ACO1: variants seen among roughly 807,000 people sequenced by gnomAD.
The protein encoded by ACO1 is cytoplasmic aconitate hydratase.
In ACO1, 78 loss-of-function variants were observed where a neutral mutation model predicts 105.1. That is an observed-to-expected ratio of 0.74 (90% CI 0.62 to 0.90). The LOEUF is 0.90. ACO1 is among the 40% of genes least tolerant of loss of function. ACO1 has a pLI of 0.00. For synonymous variants in ACO1, 364 were observed against 397.4 expected, an observed-to-expected ratio of 0.92 and a Z score of 1.00; for missense variants, 965 against 1,111.1, an observed-to-expected ratio of 0.87 and a Z score of 1.87.
intron 7 of ACO1, among the ~76,000 whole-genome samples, chr9:32,419,943 C>A (rs1821933187): frequency 6.6e-6 from 1 of 152,202 alleles, no homozygotes; most frequent in Admixed American, 6.5e-5. Flanking sequence ...TTTGCATGGA[C>A]ATGCTATCGT....
chr9:32,429,185 T>C (rs1164642420), intron 12 of ACO1, among the ~76,000 whole-genome samples: 1 of 152,204 alleles, frequency 6.6e-6, no homozygotes, highest in Non-Finnish European at 1.5e-5. Context: ...CTTTTTTAAA[T>C]TGTTGCTCAT....
chr9:32,389,879 A>G (rs781307567), intron 1 of ACO1, among the ~76,000 whole-genome samples: 6 of 148,748 alleles, frequency 4.0e-5, no homozygotes, highest in Admixed American at 2.7e-4. Context: ...GCTCACTCCA[A>G]CCTCCACCTC....
intron 1 of ACO1, among the ~76,000 whole-genome samples, chr9:32,387,513 C>G (rs1337758247): frequency 2.0e-5 from 3 of 152,030 alleles, no homozygotes; most frequent in African/African-American, 7.2e-5. Flanking sequence ...AGCCAAGGTG[C>G]TTTTGGTTTG....
In ACO1 at chr9:32,453,222, CA is replaced by C. The variant is rs2118605199; in HGVS notation, c.*3114del. On this transcript the variant is annotated 3_prime_UTR_variant, in exon 21 of 21. Transcript: ENST00000309951. ...GAGTTAGTTAATATTTTTAATATAG[CA>C]AATAAGGATGAGGGATGCCCTTCAT... is the stretch of plus-strand genomic sequence containing the variant. 6.6e-6 allele frequency: 1 copy of C among 152,134 alleles called. No individual in the cohort carries two copies. Among genetic ancestry groups the C allele is most frequent in the South Asian group, 2.1e-4 (1 of 4,814 alleles). The allele number at this position is 152,134 out of a possible 1,614,324, so 9.4% of individuals were successfully genotyped here. A position where few individuals can be genotyped will look rare whatever the true frequency, so the allele number is the denominator to read the frequency against.
At chr9:32,410,191 A>G (rs1450472374) in intron 4 of ACO1, among the ~76,000 whole-genome samples, 1 of 152,234 alleles carries the variant, frequency 6.6e-6, no homozygotes, top group African/African-American at 2.4e-5. Context: ...GTCTTTTGTA[A>G]GATACACAAA....
chr9:32,412,595 T>C (rs1011951708), intron 4 of ACO1, among the ~76,000 whole-genome samples: 3 of 152,210 alleles, frequency 2.0e-5, no homozygotes, highest in African/African-American at 7.2e-5. Flanking sequence ...GTCCCCTGAA[T>C]TGATGGTACT....
At chr9:32,393,038 C>T (rs566588789) in intron 1 of ACO1, among the ~76,000 whole-genome samples, 1 of 152,094 alleles carries the variant, frequency 6.6e-6, no homozygotes, top group Non-Finnish European at 1.5e-5. Context: ...GTGTTAACTG[C>T]ACAAATTGTT....
At chr9:32,417,400 C>A (rs1014827360) in intron 4 of ACO1, among the ~76,000 whole-genome samples, 1 of 152,166 alleles carries the variant, frequency 6.6e-6, no homozygotes, top group African/African-American at 2.4e-5. Flanking sequence ...TCACTCAATC[C>A]TATGATACAT....
At position 32,425,823 on chromosome 9, in the gene ACO1, T is replaced by G; in HGVS notation, c.1189-15T>G. ...AAATATATTCCTATATAATATACAT[T>G]TTTTCTTCCTTTAGCAAGGATTTAA... On this transcript the variant is annotated splice_polypyrimidine_tract_variant and intron_variant, in intron 10 of 20. Coordinates refer to ENST00000309951, the MANE Select transcript of ACO1 (RefSeq NM_002197.3). The G allele has an allele frequency of 6.3e-7, 1 of 1,581,676 alleles. No individual in the cohort carries two copies. The highest frequency in any genetic ancestry group is 8.7e-7 in the Non-Finnish European group (1 of 1,155,590).
chr9:32,432,356 C>T (rs1040011748), intron 15 of ACO1, among the ~76,000 whole-genome samples: 2 of 152,178 alleles, frequency 1.3e-5, no homozygotes, highest in Non-Finnish European at 1.5e-5. Context: ...TATTCTGAGA[C>T]TCTTGGATAT....
Position 32,389,546 on chromosome 9 carries a change from T to C in ACO1, c.-23+4811T>C, listed in dbSNP as rs189810581. 1.1e-4 allele frequency among the ~76,000 whole-genome samples: 16 copies of C among 152,254 alleles called. No homozygotes were observed. In the East Asian group the frequency reaches 3.1e-3, roughly 29 times the overall value. On this transcript the variant is annotated intron_variant, in intron 1 of 20. Coordinates refer to ENST00000309951, the MANE Select transcript of ACO1 (RefSeq NM_002197.3). ...AACCGAAAAACAGGCACACTTACCATGTAGTCACATTGTGCTGTGTCTGCT... is the reference window on the plus strand; with the variant it reads ...AACCGAAAAACAGGCACACTTACCACGTAGTCACATTGTGCTGTGTCTGCT...
intron 4 of ACO1, among the ~76,000 whole-genome samples, chr9:32,408,968 T>C (rs1483118079): frequency 6.6e-6 from 1 of 152,212 alleles, no homozygotes; most frequent in Admixed American, 6.5e-5. Flanking sequence ...TATATGTCAG[T>C]GCAAGTATAT....
intron 10 of ACO1, among the ~76,000 whole-genome samples, chr9:32,425,188 T>TGCTA (rs1191442762): frequency 6.6e-6 from 1 of 152,232 alleles, no homozygotes; most frequent in African/African-American, 2.4e-5. Context: ...TGATTTCTGT[T>TGCTA]GCTAGACTGT....
At chr9:32,400,782 G>T (rs1821478697) in intron 1 of ACO1, among the ~76,000 whole-genome samples, 1 of 152,192 alleles carries the variant, frequency 6.6e-6, no homozygotes, top group South Asian at 2.1e-4. Context: ...ATCAAAAATA[G>T]AATTTGAATA....
Position 32,419,159 on chromosome 9 carries a change from C to CGT in ACO1, c.782_783dup (p.Leu262CysfsTer13). On this transcript the variant is annotated frameshift_variant, in exon 7 of 21. Coordinates refer to ENST00000309951, the MANE Select transcript of ACO1 (RefSeq NM_002197.3). LOFTEE classifies it high-confidence loss of function. ...ACCCTCTGGTAACATCCACTGACATCGTGCTCACCATTACCAAGGTAACAA... is the reference window on the plus strand; with the variant it reads ...ACCCTCTGGTAACATCCACTGACATCGTGTGCTCACCATTACCAAGGTAACAA... 1 of 1,595,468 alleles carries CGT rather than the reference C, an allele frequency of 6.3e-7. No individual in the cohort carries two copies. Among genetic ancestry groups the CGT allele is most frequent in the Non-Finnish European group, 8.5e-7 (1 of 1,170,488 alleles).
chr9:32,420,815 G>A (rs1333242498), intron 7 of ACO1, 41 bp from the exon 8 acceptor site: 1 of 1,594,618 alleles, frequency 6.3e-7, no homozygotes, highest in East Asian at 2.2e-5. Context: ...TTGAATGTGG[G>A]CCATCAGATC....
chr9:32,389,729 G>A (rs1267463377), intron 1 of ACO1, among the ~76,000 whole-genome samples: 1 of 151,546 alleles, frequency 6.6e-6, no homozygotes, highest in Non-Finnish European at 1.5e-5. Context: ...TACAAAGTGG[G>A]GAGGAGAGTA....
intron 6 of ACO1, 133 bp from the exon 7 acceptor site, chr9:32,418,905 T>C: frequency 9.0e-7 from 1 of 1,116,202 alleles, no homozygotes; most frequent in Non-Finnish European, 1.2e-6. Context: ...TAACTGCTCT[T>C]TATAGAAACA....
At chr9:32,386,425 C>T (rs2118309026) in intron 1 of ACO1, 1 of 152,328 alleles carries the variant, frequency 6.6e-6, no homozygotes, top group Admixed American at 6.5e-5. Context: ...CAGTTTCCAC[C>T]ATCCTGGAGT....
Sources: gnomAD v4.1 joint callset for allele counts (sites outside exome capture counted in the v4.1 genomes callset) on GRCh38, gnomAD v4.1.1 for gene constraint, MANE v1.5 for transcripts, NCBI Gene and HGNC (gene_info 2026-07-23, HGNC 2026-07-21) for gene names.